Variants in CHRNA7 observed in about 807,000 individuals in gnomAD.
CHRNA7 encodes the protein cholinergic receptor nicotinic alpha 7 subunit, also known as neuronal acetylcholine receptor subunit alpha-7.
A neutral mutation model predicts 48.0 loss-of-function variants in CHRNA7; 17 were observed. The ratio of observed to expected loss-of-function variants is 0.35; its 90% confidence interval spans 0.24 to 0.53. CHRNA7 has a LOEUF of 0.53. CHRNA7 is among the 20% of genes least tolerant of loss of function. CHRNA7 has a pLI of 0.92. For synonymous variants in CHRNA7, 75 were observed against 242.3 expected (o/e 0.31, Z 6.41); for missense variants, 155 against 577.7 (o/e 0.27, Z 7.50).
intron 2 of CHRNA7, among the ~76,000 whole-genome samples, chr15:32,031,315 A>G (rs1481545152): frequency 6.6e-6 from 1 of 152,228 alleles, no homozygotes; most frequent in Non-Finnish European, 1.5e-5. Flanking sequence ...CTCTCAGGTT[A>G]GAAACTCAAG....
chr15:32,125,062 A>G (rs2051041884), intron 4 of CHRNA7, among the ~76,000 whole-genome samples: 3 of 152,246 alleles, frequency 2.0e-5, no homozygotes, highest in Non-Finnish European at 2.9e-5. Context: ...CCGGAGCCCT[A>G]TGACAGCAAG....
intron 2 of CHRNA7, among the ~76,000 whole-genome samples, chr15:32,061,108 C>T (rs538008433): frequency 6.6e-6 from 1 of 152,140 alleles, no homozygotes; most frequent in Non-Finnish European, 1.5e-5. Flanking sequence ...GTCATTCTCC[C>T]GATGTTGTTG....
intron 5 of CHRNA7, chr15:32,156,706 C>T (rs2141373539): frequency 9.8e-6 from 1 of 102,558 alleles, no homozygotes; most frequent in East Asian, 2.4e-4. Context: ...AGCACCATCT[C>T]TTCAGCTTAA....
intron 4 of CHRNA7, among the ~76,000 whole-genome samples, chr15:32,136,455 C>T (rs1013862321): frequency 6.7e-6 from 1 of 148,600 alleles, no homozygotes; most frequent in African/African-American, 2.5e-5. Flanking sequence ...AGCACCACTG[C>T]ACTCCAACCT....
intron 2 of CHRNA7, among the ~76,000 whole-genome samples, chr15:32,082,188 T>G (rs977140462): frequency 1.3e-5 from 2 of 152,158 alleles, no homozygotes; most frequent in Non-Finnish European, 2.9e-5. Flanking sequence ...GGTGGAGATT[T>G]CTTTGGATTT....
upstream of CHRNA7, chr15:32,030,510 G>T (rs1250974653): frequency 3.1e-6 from 4 of 1,291,844 alleles, no homozygotes; most frequent in African/African-American, 4.7e-5. Flanking sequence ...GCCGAGCGGC[G>T]AGGTGCCTCT....
chr15:32,084,393 G>C (rs1467756157), intron 2 of CHRNA7, among the ~76,000 whole-genome samples: 2 of 152,216 alleles, frequency 1.3e-5, no homozygotes, highest in African/African-American at 4.8e-5. Flanking sequence ...TCTCTCACCA[G>C]TGTGTTCCTC....
intron 2 of CHRNA7, among the ~76,000 whole-genome samples, chr15:32,053,091 G>C (rs1345401245): frequency 6.6e-6 from 1 of 152,130 alleles, no homozygotes; most frequent in Non-Finnish European, 1.5e-5. Flanking sequence ...AAAACCTGAA[G>C]AGGTTTAGGA....
intron 2 of CHRNA7, among the ~76,000 whole-genome samples, chr15:32,095,417 A>G (rs1035386208): frequency 6.6e-6 from 1 of 152,230 alleles, no homozygotes; most frequent in African/African-American, 2.4e-5. Context: ...AAGTTCAGTA[A>G]TTCACTTAAT....
intron 2 of CHRNA7, among the ~76,000 whole-genome samples, chr15:32,066,468 G>A (rs560842586): frequency 6.6e-6 from 1 of 152,086 alleles, no homozygotes; most frequent in Non-Finnish European, 1.5e-5. Context: ...TTTTAGTAGA[G>A]ACAGGGTTTC....
chr15:32,127,280 G>C (rs1361493597), intron 4 of CHRNA7, among the ~76,000 whole-genome samples: 1 of 152,098 alleles, frequency 6.6e-6, no homozygotes, highest in Non-Finnish European at 1.5e-5. Context: ...TAACATCCAT[G>C]TCCATGTTTG....
intron 2 of CHRNA7, among the ~76,000 whole-genome samples, chr15:32,055,028 C>T (rs756158009): frequency 2.0e-5 from 3 of 152,200 alleles, no homozygotes; most frequent in Non-Finnish European, 4.4e-5. Context: ...ATTCTTGTTG[C>T]TCTACATACT....
At chr15:32,074,887 GA>G (rs2050113535) in intron 2 of CHRNA7, among the ~76,000 whole-genome samples, 1 of 152,082 alleles carries the variant, frequency 6.6e-6, no homozygotes, top group Non-Finnish European at 1.5e-5. Flanking sequence ...GACCTCAGGT[GA>G]TCCACCCACC....
At chr15:32,096,273 T>C (rs867119572) in intron 2 of CHRNA7, among the ~76,000 whole-genome samples, 52 of 152,334 alleles carry the variant, frequency 3.4e-4, no homozygotes, top group Middle Eastern at 3.4e-3. Flanking sequence ...ATACCTGATA[T>C]TTATTGATAT....
chr15:32,157,233 T>G (rs1301120633), intron 5 of CHRNA7: 3 of 182,652 alleles, frequency 1.6e-5, no homozygotes, highest in Non-Finnish European at 2.2e-5. Flanking sequence ...CACACACCTT[T>G]TAGATTCTAT....
intron 4 of CHRNA7, among the ~76,000 whole-genome samples, chr15:32,143,709 A>G (rs1031094418): frequency 1.3e-5 from 2 of 152,060 alleles, no homozygotes; most frequent in Admixed American, 1.3e-4. Flanking sequence ...GTTGGTTGAA[A>G]GTCTGTTTTA....
At chr15:32,071,664 C>G (rs988966605) in intron 2 of CHRNA7, among the ~76,000 whole-genome samples, 1 of 152,052 alleles carries the variant, frequency 6.6e-6, no homozygotes. Flanking sequence ...TTCAAAAGAG[C>G]CTGGCACCTC....
At chr15:32,095,665 G>A (rs1277225310) in intron 2 of CHRNA7, among the ~76,000 whole-genome samples, 2 of 152,112 alleles carry the variant, frequency 1.3e-5, no homozygotes, top group African/African-American at 2.4e-5. Context: ...AGACTCAAGG[G>A]AAAAGGGGGA....
chr15:32,105,061 C>T (rs1437284489), intron 3 of CHRNA7, among the ~76,000 whole-genome samples: 1 of 152,212 alleles, frequency 6.6e-6, no homozygotes, highest in Non-Finnish European at 1.5e-5. Context: ...AGATGCTCCA[C>T]AAATAAACAT....
Sources: gnomAD v4.1 joint callset for allele counts (sites outside exome capture counted in the v4.1 genomes callset) on GRCh38, gnomAD v4.1.1 for gene constraint, MANE v1.5 for transcripts, NCBI Gene and HGNC (gene_info 2026-07-23, HGNC 2026-07-21) for gene names.